CHI3L2: variants seen among roughly 807,000 people sequenced by gnomAD.
CHI3L2 encodes chitinase-3-like protein 2.
CHI3L2 carries 47 observed loss-of-function variants against 47.3 expected under a neutral mutation model. That is an observed-to-expected ratio of 0.99 (90% CI 0.79 to 1.27). The LOEUF is 1.27. Among genes scored for constraint, CHI3L2 ranks in the 50% most tolerant of loss-of-function variants. CHI3L2 has a pLI of 0.00. For synonymous variants in CHI3L2, 198 were observed against 169.9 expected, an observed-to-expected ratio of 1.17 and a Z score of -1.28; for missense variants, 497 against 462.1, an observed-to-expected ratio of 1.08 and a Z score of -0.69.
At chr1:111,233,586 C>T (rs1019843761) in intron 4 of CHI3L2, among the ~76,000 whole-genome samples, 2 of 152,054 alleles carry the variant, frequency 1.3e-5, no homozygotes, top group Non-Finnish European at 2.9e-5. Context: ...CAGCACCCCG[C>T]CCGGCCAGCC....
chr1:111,233,881 G>T (rs1353777993), intron 4 of CHI3L2, among the ~76,000 whole-genome samples: 25 of 152,256 alleles, frequency 1.6e-4, no homozygotes, highest in African/African-American at 6.0e-4. Flanking sequence ...CCTGTTGATC[G>T]GTGACCTTGC....
At chr1:111,237,039 A>G (rs1030520028) in intron 7 of CHI3L2, among the ~76,000 whole-genome samples, 3 of 152,220 alleles carry the variant, frequency 2.0e-5, no homozygotes, top group African/African-American at 7.2e-5. Context: ...AGAATGCAAG[A>G]TCTGCAAAAT....
intron 6 of CHI3L2, 126 bp from the exon 7 acceptor site, chr1:111,235,898 A>G (rs1659871826): frequency 1.3e-6 from 2 of 1,536,214 alleles, no homozygotes; most frequent in Middle Eastern, 1.7e-4. Context: ...TCATTCAGCC[A>G]GGAACAACTT....
intron 8 of CHI3L2, among the ~76,000 whole-genome samples, chr1:111,239,846 T>C (rs1659996621): frequency 6.6e-6 from 1 of 152,182 alleles, no homozygotes; most frequent in African/African-American, 2.4e-5. Context: ...CTGGGTACTG[T>C]GAAAGCTAGA....
intron 6 of CHI3L2, 70 bp from the exon 7 acceptor site, chr1:111,235,954 A>G: frequency 6.3e-7 from 1 of 1,591,610 alleles, no homozygotes; most frequent in Non-Finnish European, 8.6e-7. Context: ...TTCAAAGCCA[A>G]AACAATTACT....
intron 8 of CHI3L2, among the ~76,000 whole-genome samples, chr1:111,240,530 T>C (rs1313192885): frequency 6.6e-6 from 1 of 152,228 alleles, no homozygotes; most frequent in African/African-American, 2.4e-5. Flanking sequence ...ACTTCCCATC[T>C]CATGGAAAGT....
intron 3 of CHI3L2, 101 bp downstream of exon 3, chr1:111,231,044 C>T (rs1659703806): frequency 9.7e-7 from 1 of 1,035,426 alleles, no homozygotes; most frequent in Admixed American, 2.1e-5. Flanking sequence ...TTCATTCATT[C>T]CTATATATTT....
At chr1:111,239,714 A>G (rs907280605) in intron 8 of CHI3L2, among the ~76,000 whole-genome samples, 1 of 152,234 alleles carries the variant, frequency 6.6e-6, no homozygotes, top group East Asian at 1.9e-4. Context: ...TCTGCTAATT[A>G]TACCATCATT....
intron 4 of CHI3L2, among the ~76,000 whole-genome samples, chr1:111,232,061 A>G (rs1659738037): frequency 1.3e-5 from 2 of 152,268 alleles, no homozygotes; most frequent in South Asian, 4.1e-4. Flanking sequence ...TTTTATAGAA[A>G]TCTGATAGTA....
chr1:111,242,723 T>A (rs1660097745), intron 10 of CHI3L2: 1 of 174,870 alleles, frequency 5.7e-6, no homozygotes, highest in Non-Finnish European at 1.2e-5. Context: ...TGACTCTATG[T>A]CCTCAATTCA....
chr1:111,241,153 C>T (rs1035336021), intron 8 of CHI3L2, among the ~76,000 whole-genome samples, 174 bp from the exon 9 acceptor site: 3 of 152,180 alleles, frequency 2.0e-5, no homozygotes, highest in Non-Finnish European at 2.9e-5. Context: ...AGAGGTTCAC[C>T]TTGGAACACC....
rs781411483 is a variant in CHI3L2, at chr1:111,236,057, C to G, written c.639C>G (p.Asp213Glu). The G allele has an allele frequency of 2.6e-5, 42 of 1,614,234 alleles. No individual in the cohort carries two copies. The South Asian group carries it at 2.9e-4, about 11-fold the overall frequency. The change falls in exon 7 of 11, where the codon GAC (aspartate) becomes GAG (glutamate). Residue 213 changes from aspartate to glutamate, a missense_variant. Physicochemically the swap from Asp to Glu is conservative, Grantham distance 45. Coordinates refer to ENST00000369748, the MANE Select transcript of CHI3L2 (RefSeq NM_004000.3). Reference protein sequence around the residue: ...DLDFINLLSFDFHGSWEKPLI... With the variant: ...DLDFINLLSFEFHGSWEKPLI... ...ATTTCATCAACCTCCTGTCCTTTGA[C>G]TTCCATGGGTCTTGGGAAAAGCCCC...
At chr1:111,235,974 T>C (rs1659875188) in intron 6 of CHI3L2, 50 bp from the exon 7 acceptor site, 1 of 1,606,998 alleles carries the variant, frequency 6.2e-7, no homozygotes, top group South Asian at 1.1e-5. Context: ...TTACAATTGT[T>C]TCTACCACTG....
chr1:111,232,112 A>C (rs12738154), intron 4 of CHI3L2, among the ~76,000 whole-genome samples: 2 of 152,178 alleles, frequency 1.3e-5, no homozygotes, highest in Non-Finnish European at 2.9e-5. Context: ...CAGCCAGAGT[A>C]GGCAGAGAGA....
intron 8 of CHI3L2, among the ~76,000 whole-genome samples, chr1:111,240,762 A>G (rs1344143594): frequency 1.3e-5 from 2 of 152,216 alleles, no homozygotes; most frequent in Non-Finnish European, 2.9e-5. Context: ...GCTAACAGAA[A>G]GAATATAGCT....
intron 9 of CHI3L2, among the ~76,000 whole-genome samples, chr1:111,241,830 C>T (rs546779622): frequency 6.6e-6 from 1 of 152,284 alleles, no homozygotes; most frequent in Admixed American, 6.5e-5. Context: ...CTAGGAGGCT[C>T]CAGATTCCTG....
chr1:111,240,245 G>C (rs375957847), intron 8 of CHI3L2, among the ~76,000 whole-genome samples: 2 of 152,164 alleles, frequency 1.3e-5, no homozygotes, highest in Non-Finnish European at 2.9e-5. Flanking sequence ...ACCCACCAAG[G>C]TACCCATTCA....
chr1:111,240,821 G>T (rs1003372981), intron 8 of CHI3L2, among the ~76,000 whole-genome samples: 2 of 152,196 alleles, frequency 1.3e-5, no homozygotes, highest in South Asian at 4.1e-4. Context: ...TATGGGACGG[G>T]ACAGAGGAGG....
chr1:111,233,091 T>A (rs1355023449), intron 4 of CHI3L2, among the ~76,000 whole-genome samples: 1 of 152,192 alleles, frequency 6.6e-6, no homozygotes, highest in Admixed American at 6.5e-5. Flanking sequence ...AATACCAGTA[T>A]CTCATCTACA....
Sources: allele counts gnomAD v4.1 joint callset (sites outside exome capture counted in the v4.1 genomes callset), GRCh38; gene constraint gnomAD v4.1.1; transcripts MANE v1.5; gene names NCBI Gene and HGNC (gene_info 2026-07-23, HGNC 2026-07-21).